ARHGEF12: variants seen among roughly 807,000 people sequenced by gnomAD.
ARHGEF12 encodes KMT2A/ARHGEF12 fusion protein.
A neutral mutation model predicts 211.2 loss-of-function variants in ARHGEF12; 66 were observed. The ratio of observed to expected loss-of-function variants is 0.31; its 90% CI spans 0.26 to 0.38. The LOEUF is 0.38. Ranked by LOEUF, ARHGEF12 falls within the 10% of genes least tolerant of loss-of-function variation. The pLI is 1.00. For missense variants in ARHGEF12, 1,429 were observed against 1,869.5 expected (o/e 0.76, Z 4.34); for synonymous variants, 592 against 638.4 (o/e 0.93, Z 1.09).
chr11:120,481,498 T>C lies in ARHGEF12; in HGVS notation c.4476T>C (p.Ser1492=). 1 of 1,614,056 alleles carries C rather than the reference T, an allele frequency of 6.2e-7. No homozygotes were observed. The highest frequency in any genetic ancestry group is 8.5e-7 in the Non-Finnish European group (1 of 1,180,018). Residue 1492 remains serine, a synonymous_variant, in exon 39 of 41, where the codon AGT becomes AGC. Coordinates refer to ENST00000397843, the MANE Select transcript of ARHGEF12 (RefSeq NM_015313.3). The part of the protein sequence containing the change: ...AMEYSCFEIQ[S]PSSCADSQSQ... ...AGTATTCCTGTTTTGAGATCCAGAG[T>C]CCCTCCTCTTGTGCAGATTCACAGA...
rs1260157084 is a variant in ARHGEF12, at chr11:120,489,223, C to T, written c.*4146C>T. The T allele has an allele frequency of 4.4e-6, 1 of 228,652 alleles. No individual in the cohort carries two copies. Among genetic ancestry groups the T allele is most frequent in the Non-Finnish European group, 8.7e-6 (1 of 114,944 alleles). 14.2% of individuals were successfully genotyped at this position (228,652 alleles called of 1,614,324 possible). A position where few individuals can be genotyped will look rare whatever the true frequency, so the allele number is the denominator to read the frequency against. On this transcript the variant is annotated 3_prime_UTR_variant, in exon 41 of 41. Transcript: ENST00000397843. ...GTGCTGGCAGGTGGGCTTGCCCTAG[C>T]ATGTGGGGCAGGTTTGTTGTTTTTT...
In ARHGEF12 at chr11:120,435,900, A is replaced by G. The variant is rs189274147; in HGVS notation, c.925-1408A>G. Among the ~76,000 whole-genome samples the G allele has an allele frequency of 2.0e-5, 3 of 152,298 alleles. No individual in the cohort carries two copies. In the East Asian group the frequency reaches 5.8e-4, roughly 29 times the overall value. ...GTTTAATTCAGAGTTTCAAAAGGATATTATTATAATTTTGTCAGTATTTCT... is the reference window on the plus strand; with the variant it reads ...GTTTAATTCAGAGTTTCAAAAGGATGTTATTATAATTTTGTCAGTATTTCT... On this transcript the variant is annotated intron_variant, in intron 11 of 40. Coordinates refer to ENST00000397843, the MANE Select transcript of ARHGEF12 (RefSeq NM_015313.3).
At chr11:120,354,840 T>TTCGAAGGAG (rs1943086579) in intron 1 of ARHGEF12, among the ~76,000 whole-genome samples, 2 of 152,352 alleles carry the variant, frequency 1.3e-5, no homozygotes, top group East Asian at 3.9e-4. Context: ...GGCAGTGCTC[T>TTCGAAGGAG]TCGAAGGAGT....
intron 1 of ARHGEF12, among the ~76,000 whole-genome samples, chr11:120,345,536 T>C (rs1168081983): frequency 6.6e-6 from 1 of 152,016 alleles, no homozygotes; most frequent in Non-Finnish European, 1.5e-5. Context: ...ACCCCGTCTC[T>C]GCTAAAAATA....
At position 120,478,150 on chromosome 11, in the gene ARHGEF12, G is replaced by T; in HGVS notation, c.3533-6G>T. The T allele has an allele frequency of 6.3e-7, 1 of 1,591,558 alleles. No individual in the cohort carries two copies. On this transcript the variant is annotated splice_region_variant and splice_polypyrimidine_tract_variant and intron_variant, in intron 36 of 40. Transcript: ENST00000397843. The stretch of plus-strand genomic sequence containing the variant: ...TATAGTCTACCTTTTCTATTCCATT[G>T]GACAGACAGAGATTTGGGATTAGAA...
At chr11:120,341,092 C>G (rs1942521190) in intron 1 of ARHGEF12, among the ~76,000 whole-genome samples, 2 of 152,040 alleles carry the variant, frequency 1.3e-5, no homozygotes, top group African/African-American at 2.4e-5. Context: ...TTGAGTCTTG[C>G]TCTGTCACCC....
chr11:120,432,337 A>G (rs955083413), intron 11 of ARHGEF12, among the ~76,000 whole-genome samples: 1 of 152,250 alleles, frequency 6.6e-6, no homozygotes, highest in Non-Finnish European at 1.5e-5. Flanking sequence ...CCTGTTAGAT[A>G]GGCTTCAGTT....
chr11:120,368,901 A>G (rs12786734), intron 1 of ARHGEF12, among the ~76,000 whole-genome samples: 4,216 of 151,850 alleles, frequency 0.028, 106 homozygotes, highest in Non-Finnish European at 0.033. Flanking sequence ...CCACCCTCAA[A>G]TAGGCCCCAG....
rs1187693010 is a variant in ARHGEF12, at chr11:120,336,435, C to T, written c.-809C>T. Among the ~76,000 whole-genome samples, 1 of 151,428 alleles carries T rather than the reference C, an allele frequency of 6.6e-6. No individual in the cohort carries two copies. Among genetic ancestry groups the T allele is most frequent in the African/African-American group, 2.4e-5 (1 of 41,322 alleles). The stretch of plus-strand genomic sequence containing the variant: ...TCCAGAACCCGGCGAGCCGGCCCTG[C>T]GCCGGGAGACGCCGCCGCCTCCGCC... On this transcript the variant is annotated 5_prime_UTR_variant, in exon 1 of 41. Coordinates refer to ENST00000397843, the MANE Select transcript of ARHGEF12 (RefSeq NM_015313.3).
rs1946425203 is a variant in ARHGEF12, at chr11:120,458,296, G to GTC, written c.2380+67_2380+68dup. The GTC allele has an allele frequency of 4.4e-6, 7 of 1,593,558 alleles. No individual in the cohort carries two copies. In the East Asian group the frequency reaches 9.0e-5, roughly 21 times the overall value. Reference sequence around the variant, plus strand: ...ACTGAGTTTTGTCAGAGTGAATTAAGTCTCTCAGCCTTGGAGTTTGCTTCA... The same window carrying GTC: ...ACTGAGTTTTGTCAGAGTGAATTAAGTCTCTCTCAGCCTTGGAGTTTGCTTCA... On this transcript the variant is annotated intron_variant, in intron 25 of 40. Transcript: ENST00000397843.
intron 37 of ARHGEF12, 104 bp from the exon 38 acceptor site, chr11:120,479,856 C>A: frequency 1.1e-6 from 1 of 896,822 alleles, no homozygotes; most frequent in Non-Finnish European, 1.7e-6. Flanking sequence ...TTAAAAGATA[C>A]TTTTTAAAGA....
In ARHGEF12 at chr11:120,336,737, C is replaced by T. The variant is rs1224563627; in HGVS notation, c.-507C>T. Among the ~76,000 whole-genome samples the T allele has an allele frequency of 2.6e-5, 4 of 152,166 alleles. No individual in the cohort carries two copies. The highest frequency in any genetic ancestry group is 4.4e-5 in the Non-Finnish European group (3 of 68,012). On this transcript the variant is annotated 5_prime_UTR_variant, in exon 1 of 41. Coordinates refer to ENST00000397843, the MANE Select transcript of ARHGEF12 (RefSeq NM_015313.3). The stretch of plus-strand genomic sequence containing the variant: ...GGGACATGGAATCGCGCGAGCCCGG[C>T]GCGGGACGGCCGGAGACGCGGCCAA...
At chr11:120,346,088 TCTC>T (rs1460073048) in intron 1 of ARHGEF12, among the ~76,000 whole-genome samples, 1 of 152,214 alleles carries the variant, frequency 6.6e-6, no homozygotes, top group African/African-American at 2.4e-5. Context: ...TTTCATACCT[TCTC>T]CTCATAGGTA....
In ARHGEF12 at chr11:120,484,497, C is replaced by A. The variant is rs1414321082; in HGVS notation, c.4614C>A (p.Asp1538Glu). Reference protein sequence around the residue: ...CQRLAGSALTDKHSDKS With the variant: ...CQRLAGSALTEKHSDKS ...GGCTGGCTGGATCAGCCCTCACAGACAAGCACTCAGGTATGTAAAAGTTAT... is the reference window on the plus strand; with the variant it reads ...GGCTGGCTGGATCAGCCCTCACAGAAAAGCACTCAGGTATGTAAAAGTTAT... The change falls in exon 40 of 41, where the codon GAC (aspartate) becomes GAA (glutamate). Residue 1538 changes from aspartate to glutamate, a missense_variant. By Grantham distance (45) the Asp-to-Glu change is conservative. Coordinates refer to ENST00000397843, the MANE Select transcript of ARHGEF12 (RefSeq NM_015313.3). 1.9e-6 allele frequency: 3 copies of A among 1,613,894 alleles called. No homozygotes were observed. Among genetic ancestry groups the A allele is most frequent in the Non-Finnish European group, 2.5e-6 (3 of 1,179,938 alleles).
At chr11:120,397,741 A>C (rs769800332) in intron 1 of ARHGEF12, among the ~76,000 whole-genome samples, 1 of 152,232 alleles carries the variant, frequency 6.6e-6, no homozygotes, top group Non-Finnish European at 1.5e-5. Flanking sequence ...ACCTCTTTTA[A>C]ACCTCTAGAA....
chr11:120,478,664 T>G (rs1947136944), intron 37 of ARHGEF12, among the ~76,000 whole-genome samples: 1 of 152,210 alleles, frequency 6.6e-6, no homozygotes, highest in Non-Finnish European at 1.5e-5. Flanking sequence ...AACAATTTCT[T>G]TGGCTGGGGA....
intron 1 of ARHGEF12, among the ~76,000 whole-genome samples, chr11:120,385,064 A>G (rs1199487384): frequency 6.6e-6 from 1 of 152,036 alleles, no homozygotes; most frequent in Non-Finnish European, 1.5e-5. Flanking sequence ...TTGTGGCTTT[A>G]TAATTGGATC....
intron 1 of ARHGEF12, among the ~76,000 whole-genome samples, chr11:120,379,601 T>C (rs1022090217): frequency 3.3e-5 from 5 of 152,068 alleles, no homozygotes; most frequent in African/African-American, 4.8e-5. Flanking sequence ...TTAACAGATA[T>C]TGAATTTAGT....
In ARHGEF12 at chr11:120,469,402, A is replaced by G. The variant is rs1269725473; in HGVS notation, c.2955+14A>G. On this transcript the variant is annotated intron_variant, in intron 30 of 40. Transcript: ENST00000397843. Reference sequence around the variant, plus strand: ...GAAAACAAGCAGGTAAAAAAGGAAAACAAGAAGGTACAGGATGACATTGGG... The same window carrying G: ...GAAAACAAGCAGGTAAAAAAGGAAAGCAAGAAGGTACAGGATGACATTGGG... 7 of 1,579,632 alleles carry G rather than the reference A, an allele frequency of 4.4e-6. No homozygotes were observed. Among genetic ancestry groups the G allele is most frequent in the Non-Finnish European group, 6.1e-6 (7 of 1,151,930 alleles).
Sources: gnomAD v4.1 joint callset for allele counts (sites outside exome capture counted in the v4.1 genomes callset) on GRCh38, gnomAD v4.1.1 for gene constraint, MANE v1.5 for transcripts, NCBI Gene and HGNC (gene_info 2026-07-23, HGNC 2026-07-21) for gene names.